Variants in FMC1 observed in about 807,000 individuals in gnomAD.
FMC1 encodes formation of mitochondrial complex V assembly factor 1.
A neutral mutation model predicts 10.5 loss-of-function variants in FMC1; 6 were observed. That is an observed-to-expected ratio of 0.57 (90% CI 0.31 to 1.12). The LOEUF is 1.12. Ranked by LOEUF, FMC1 falls within the 50% of genes most tolerant of loss-of-function variation. The probability of loss-of-function intolerance (pLI) is 0.05; values close to 1 mark genes in which losing one functional copy is unlikely to be tolerated. For missense variants in FMC1, 146 were observed against 151.7 expected (o/e 0.96, Z 0.20); for synonymous variants, 59 against 62.1 (o/e 0.95, Z 0.24).
At chr7:139,342,230 A>G (rs1435002401) in intron 1 of FMC1, among the ~76,000 whole-genome samples, 1 of 152,194 alleles carries the variant, frequency 6.6e-6, no homozygotes, top group Non-Finnish European at 1.5e-5. Context: ...GGAGCCATAC[A>G]GTAAAGTACT....
chr7:139,344,646 A>G (rs1039716358), intron 1 of FMC1, among the ~76,000 whole-genome samples: 3 of 149,986 alleles, frequency 2.0e-5, no homozygotes, highest in African/African-American at 7.3e-5. Context: ...ATTTGTTACT[A>G]TTTAGCACAA....
intron 1 of FMC1, among the ~76,000 whole-genome samples, chr7:139,343,680 A>G (rs1799113367): frequency 2.0e-5 from 3 of 152,128 alleles, no homozygotes; most frequent in Admixed American, 6.5e-5. Flanking sequence ...CACACCTGTA[A>G]TCCCAGCACT....
rs375049853 is a variant in FMC1 at position 139,345,574 on chromosome 7, G to A, written c.212G>A (p.Arg71His). ...GCTGCCACCTATCTCTGCCTCCTGC[G>A]TAGCATCCGGAAACATGTGGCCCTA... ...FQAATYLCLLRSIRKHVALHQ... is the reference protein window; with the variant it reads ...FQAATYLCLLHSIRKHVALHQ... Residue 71 changes from arginine (R) to histidine (H), a missense_variant, in exon 2 of 2, where the codon CGT becomes CAT. Arg to His is a conservative substitution (Grantham distance 29, BLOSUM62 0). Transcript: ENST00000297534. 82 of 1,613,914 alleles carry A rather than the reference G, an allele frequency of 5.1e-5. No homozygotes were observed. Among genetic ancestry groups the A allele is most frequent in the East Asian group, 1.3e-4 (6 of 44,886 alleles).
chr7:139,343,567 G>A (rs1320369070), intron 1 of FMC1, among the ~76,000 whole-genome samples: 4 of 152,102 alleles, frequency 2.6e-5, no homozygotes, highest in African/African-American at 4.8e-5. Context: ...GCCACGGAGC[G>A]AGACCCTGTC....
intron 1 of FMC1, among the ~76,000 whole-genome samples, chr7:139,343,369 C>T (rs1233865282): frequency 1.3e-5 from 2 of 152,228 alleles, no homozygotes; most frequent in Non-Finnish European, 1.5e-5. Context: ...CTAAAACCCA[C>T]ATTCTAACAG....
At chr7:139,344,839 A>G (rs1280954826) in intron 1 of FMC1, 2 of 148,332 alleles carry the variant, frequency 1.3e-5, no homozygotes, top group Admixed American at 1.4e-4. Context: ...AGTAGTTGGT[A>G]CTACAGGCAC....
At chr7:139,341,101 A>G (rs1798928784), upstream of FMC1, 1 of 334,754 alleles carries the variant, frequency 3.0e-6, no homozygotes, top group South Asian at 9.0e-5. Flanking sequence ...GGCATCTTCA[A>G]TGACGCAGTG....
chr7:139,340,694 G>C (rs182354657), upstream of FMC1: 5 of 392,304 alleles, frequency 1.3e-5, no homozygotes, highest in Non-Finnish European at 2.2e-5. Context: ...CGCGTCGTTT[G>C]CAGAAGCCCC....
chr7:139,343,437 C>CGT lies in FMC1; in HGVS notation c.138+1917_138+1918dup, dbSNP rs376133060. 1.7e-3 allele frequency among the ~76,000 whole-genome samples: 259 copies of CGT among 152,222 alleles called. 3 individuals carry two copies. Among genetic ancestry groups the CGT allele is most frequent in the African/African-American group, 5.8e-3 (240 of 41,524 alleles). On this transcript the variant is annotated intron_variant, in intron 1 of 1. Coordinates refer to ENST00000297534, the MANE Select transcript of FMC1 (RefSeq NM_197964.5). ...CCAAAAAATTTGAAAATTATCCAGG[C>CGT]GTGATGGCCCATCCTCTAGTTCCAG...
At chr7:139,341,556 TGG>T in intron 1 of FMC1, 34 bp downstream of exon 1, 1 of 1,599,772 alleles carries the variant, frequency 6.3e-7, no homozygotes. Context: ...CTCTACGTGC[TGG>T]GGAGGGAGGA....
At chr7:139,340,491 G>T, upstream of FMC1, 1 of 398,590 alleles carries the variant, frequency 2.5e-6, no homozygotes. Flanking sequence ...CCCGTTCAAC[G>T]TCCGGAGCAT....
intron 1 of FMC1, among the ~76,000 whole-genome samples, chr7:139,342,767 C>CT (rs2131137565): frequency 6.6e-6 from 1 of 152,242 alleles, no homozygotes; most frequent in African/African-American, 2.4e-5. Flanking sequence ...TGGCCCCATT[C>CT]TAAGATTTTT....
At chr7:139,342,130 A>G (rs954106479) in intron 1 of FMC1, among the ~76,000 whole-genome samples, 1 of 152,182 alleles carries the variant, frequency 6.6e-6, no homozygotes, top group African/African-American at 2.4e-5. Flanking sequence ...AAAAGGTGGC[A>G]ACGTTAGGGT....
upstream of FMC1, chr7:139,340,505 T>G (rs1798880606): frequency 5.0e-6 from 2 of 398,544 alleles, no homozygotes; most frequent in Non-Finnish European, 8.8e-6. Flanking sequence ...GGAGCATCGG[T>G]GCAGTTTCGA....
chr7:139,341,606 T>A, intron 1 of FMC1, 84 bp downstream of exon 1: 1 of 1,540,986 alleles, frequency 6.5e-7, no homozygotes, highest in Non-Finnish European at 8.8e-7. Context: ...GCACGGTGTT[T>A]AATTCCTGCA....
rs1253663574 is a variant in FMC1, at chr7:139,341,611, C to T, written c.138+89C>T. On this transcript the variant is annotated intron_variant, in intron 1 of 1. Coordinates refer to ENST00000297534, the MANE Select transcript of FMC1 (RefSeq NM_197964.5). ...AGGGTGGGGAGCACGGTGTTTAATTCCTGCATTTCTGAGGCCAACCCTCCC... is the reference window on the plus strand; with the variant it reads ...AGGGTGGGGAGCACGGTGTTTAATTTCTGCATTTCTGAGGCCAACCCTCCC... 6.5e-6 allele frequency: 10 copies of T among 1,532,582 alleles called. No homozygotes were observed. The East Asian group carries it at 1.2e-4, about 18-fold the overall frequency. The allele number at this position is 1,532,582 out of a possible 1,614,324, so 94.9% of individuals were successfully genotyped here. A position where few individuals can be genotyped will look rare whatever the true frequency, so the allele number is the denominator to read the frequency against.
intron 1 of FMC1, among the ~76,000 whole-genome samples, chr7:139,343,723 C>T (rs976859911): frequency 6.6e-6 from 1 of 151,924 alleles, no homozygotes; most frequent in African/African-American, 2.4e-5. Context: ...TCGCTTGTGC[C>T]CAGGAGTTCA....
intron 1 of FMC1, 141 bp from the exon 2 acceptor site, chr7:139,345,360 A>C: frequency 2.3e-6 from 3 of 1,279,848 alleles, no homozygotes. Context: ...AGATGTATTA[A>C]GTATACATGT....
chr7:139,341,132 C>G (rs980919842), upstream of FMC1: 2 of 445,854 alleles, frequency 4.5e-6, no homozygotes, highest in Non-Finnish European at 7.3e-6. Flanking sequence ...CCTGTTTCCC[C>G]AAACCCTTGT....
Sources: gnomAD v4.1 joint callset for allele counts (sites outside exome capture counted in the v4.1 genomes callset) on GRCh38, gnomAD v4.1.1 for gene constraint, MANE v1.5 for transcripts, NCBI Gene and HGNC (gene_info 2026-07-23, HGNC 2026-07-21) for gene names.